The following PIK3C2G variants were observed in gnomAD, a reference collection of about 807,000 sequenced individuals.
PIK3C2G encodes phosphatidylinositol 3-kinase C2 domain-containing subunit gamma.
Under a neutral mutation model 181.1 loss-of-function variants are expected in PIK3C2G, and 168 were observed. The ratio of observed to expected loss-of-function variants is 0.93; its 90% confidence interval spans 0.82 to 1.05. The LOEUF is 1.05. Ranked by LOEUF, PIK3C2G falls within the 50% of genes least tolerant of loss-of-function variation. The probability of loss-of-function intolerance (pLI) is 0.00; values close to 1 mark genes in which losing one functional copy is unlikely to be tolerated. For synonymous variants in PIK3C2G, 573 were observed against 592.2 expected (o/e 0.97, Z 0.47); for missense variants, 1,869 against 1,732.8 (o/e 1.08, Z -1.40).
chr12:18,374,513 C>A (rs186317074), intron 13 of PIK3C2G, among the ~76,000 whole-genome samples: 174 of 152,240 alleles, frequency 1.1e-3, no homozygotes, highest in Non-Finnish European at 2.2e-3. Context: ...GAAAAACCGG[C>A]AGTTGGTTAC....
chr12:18,418,631 A>C (rs1017234996), intron 16 of PIK3C2G, among the ~76,000 whole-genome samples: 1 of 152,138 alleles, frequency 6.6e-6, no homozygotes, highest in Admixed American at 6.6e-5. Flanking sequence ...ACAGCAGCAG[A>C]AGAAATTAAA....
At chr12:18,290,746 A>C in intron 3 of PIK3C2G, 109 bp from the exon 4 acceptor site, 1 of 719,630 alleles carries the variant, frequency 1.4e-6, no homozygotes. Context: ...TAAGTCTTTT[A>C]TAGCAAAACA....
intron 18 of PIK3C2G, among the ~76,000 whole-genome samples, chr12:18,434,692 A>G (rs1185201414): frequency 6.6e-6 from 1 of 152,142 alleles, no homozygotes; most frequent in Non-Finnish European, 1.5e-5. Context: ...AATTTGGTAA[A>G]CCTGTAGCAG....
At chr12:18,356,790 T>C (rs1432299561) in intron 11 of PIK3C2G, among the ~76,000 whole-genome samples, 1 of 150,782 alleles carries the variant, frequency 6.6e-6, no homozygotes, top group Non-Finnish European at 1.5e-5. Context: ...AGCTGCTTCT[T>C]GCTGACCTCA....
chr12:18,490,331 C>T (rs113360317), intron 19 of PIK3C2G, among the ~76,000 whole-genome samples: 7 of 152,116 alleles, frequency 4.6e-5, no homozygotes, highest in African/African-American at 1.4e-4. Flanking sequence ...CTCTTGAGAG[C>T]TGAGTGAACA....
intron 18 of PIK3C2G, among the ~76,000 whole-genome samples, chr12:18,483,905 T>C (rs1342640252): frequency 6.6e-6 from 1 of 152,160 alleles, no homozygotes; most frequent in East Asian, 1.9e-4. Flanking sequence ...TCCACCTGAC[T>C]GTGCATCAAT....
chr12:18,635,626 A>G (rs1344686838), intron 31 of PIK3C2G, among the ~76,000 whole-genome samples: 1 of 152,194 alleles, frequency 6.6e-6, no homozygotes, highest in Admixed American at 6.5e-5. Flanking sequence ...GAAATTCACC[A>G]TAGGGACTTG....
At chr12:18,720,710 G>T in the PIK3C2G span, among the ~76,000 whole-genome samples, 4 of 151,978 alleles carry the variant, frequency 2.6e-5, no homozygotes, top group African/African-American at 9.7e-5. Flanking sequence ...CTTTGGCAGA[G>T]AATTTTATTT....
At chr12:18,399,525 G>GT in intron 15 of PIK3C2G, 134 bp from the exon 16 acceptor site, 1 of 451,856 alleles carries the variant, frequency 2.2e-6, no homozygotes, top group Admixed American at 3.8e-5. Context: ...TCCGAAGAAG[G>GT]TAAAAGATGT....
At chr12:18,401,294 A>T (rs1023563045) in intron 16 of PIK3C2G, among the ~76,000 whole-genome samples, 1 of 152,184 alleles carries the variant, frequency 6.6e-6, no homozygotes, top group African/African-American at 2.4e-5. Context: ...GTGCAGTTGC[A>T]TTAGTTAATA....
chr12:18,638,299 A>G (rs1949689897), intron 31 of PIK3C2G, among the ~76,000 whole-genome samples: 1 of 152,186 alleles, frequency 6.6e-6, no homozygotes, highest in African/African-American at 2.4e-5. Flanking sequence ...CAGACAGTGC[A>G]GAGCTGATCC....
intron 19 of PIK3C2G, among the ~76,000 whole-genome samples, chr12:18,489,215 A>G (rs1940338536): frequency 6.6e-6 from 1 of 151,964 alleles, no homozygotes. Flanking sequence ...ACTGATATAC[A>G]CCATTAAGTA....
At chr12:18,667,961 AGAAG>A in the PIK3C2G span, among the ~76,000 whole-genome samples, 11 of 152,130 alleles carry the variant, frequency 7.2e-5, no homozygotes, top group African/African-American at 2.7e-4. Context: ...AGTCCTGAGG[AGAAG>A]CAACAACAAC....
upstream of PIK3C2G, among the ~76,000 whole-genome samples, chr12:18,246,012 C>T (rs1271111850): frequency 6.6e-6 from 1 of 151,920 alleles, no homozygotes; most frequent in Non-Finnish European, 1.5e-5. Context: ...AATATATTGC[C>T]CTTTAAAAGA....
chr12:18,425,633 G>A (rs1300915217), intron 18 of PIK3C2G, among the ~76,000 whole-genome samples: 2 of 151,902 alleles, frequency 1.3e-5, no homozygotes, highest in African/African-American at 4.8e-5. Context: ...CTCATGATCT[G>A]CCTGCCTTGG....
At chr12:18,716,549 C>G in the PIK3C2G span, among the ~76,000 whole-genome samples, 2 of 152,150 alleles carry the variant, frequency 1.3e-5, no homozygotes, top group African/African-American at 4.8e-5. Context: ...AAATTTCTCT[C>G]TCATTCACTG....
At chr12:18,318,396 C>T (rs1432653761) in intron 6 of PIK3C2G, among the ~76,000 whole-genome samples, 1 of 151,960 alleles carries the variant, frequency 6.6e-6, no homozygotes, top group Non-Finnish European at 1.5e-5. Context: ...CTGAATTGCC[C>T]TATTTTACAT....
intron 31 of PIK3C2G, among the ~76,000 whole-genome samples, chr12:18,617,617 A>G (rs1320840492): frequency 1.3e-5 from 2 of 152,044 alleles, no homozygotes. Context: ...TTAGCAGTCT[A>G]TTTTTCTGCT....
intron 1 of PIK3C2G, among the ~76,000 whole-genome samples, chr12:18,255,221 AAATAAAT>A (rs1948133070): frequency 1.1e-5 from 1 of 93,546 alleles, no homozygotes; most frequent in Non-Finnish European, 2.0e-5. Context: ...TCTCAAAAAT[AAATAAAT>A]AAATAAATAA....
Sources: allele counts gnomAD v4.1 joint callset (sites outside exome capture counted in the v4.1 genomes callset), GRCh38; gene constraint gnomAD v4.1.1; transcripts MANE v1.5; gene names NCBI Gene and HGNC (gene_info 2026-07-23, HGNC 2026-07-21).